The following NF1 variants were observed in gnomAD, a reference collection of about 807,000 sequenced individuals.
NF1 encodes the protein neurofibromin.
NF1 carries 122 observed loss-of-function variants against 325.7 expected under a neutral mutation model. That is an observed-to-expected ratio of 0.37 (90% CI 0.32 to 0.44). NF1 has a LOEUF of 0.44. Among genes scored for constraint, NF1 ranks in the 20% least tolerant of loss-of-function variants. The probability of loss-of-function intolerance (pLI) is 1.00; values close to 1 mark genes in which losing one functional copy is unlikely to be tolerated. For missense variants in NF1, 2,140 were observed against 3,415.4 expected (o/e 0.63, Z 9.31); for synonymous variants, 1,091 against 1,186.0 (o/e 0.92, Z 1.65).
chr17:31,256,334 T>C (rs1443732440), intron 31 of NF1, among the ~76,000 whole-genome samples: 1 of 152,190 alleles, frequency 6.6e-6, no homozygotes, highest in Non-Finnish European at 1.5e-5. Flanking sequence ...AGATGGGGTT[T>C]TGCCATGTTG....
At chr17:31,112,619 T>TA (rs1204886040) in intron 1 of NF1, among the ~76,000 whole-genome samples, 1 of 152,164 alleles carries the variant, frequency 6.6e-6, no homozygotes, top group East Asian at 1.9e-4. Flanking sequence ...TGCCCATTTT[T>TA]AAAAAATTGG....
In NF1 at chr17:31,336,853, A is replaced by C; in HGVS notation, c.6366A>C (p.Thr2122=). 6.2e-7 allele frequency: 1 copy of C among 1,613,800 alleles called. No individual in the cohort carries two copies. The highest frequency in any genetic ancestry group is 8.5e-7 in the Non-Finnish European group (1 of 1,180,008). ...GTCCGCTCTCCCTTAGAGCTTCCAC[A>C]CATGGACTGGTCATTAATATCATTC... The part of the protein sequence containing the change: ...ATGPLSLRAS[T]HGLVINIIHS... Residue 2122 remains threonine (T), a synonymous_variant, in exon 42 of 58, where the codon ACA becomes ACC. Transcript: ENST00000358273. The surrounding 1 kb of genome is among the most constrained non-coding windows in gnomAD (Gnocchi z 5.5).
chr17:31,292,952 C>T (rs774263876), intron 36 of NF1, among the ~76,000 whole-genome samples: 5 of 151,910 alleles, frequency 3.3e-5, no homozygotes, highest in South Asian at 2.1e-4. Flanking sequence ...CCAAAGCAGG[C>T]GAATCACCTG....
intron 1 of NF1, among the ~76,000 whole-genome samples, chr17:31,129,267 A>G (rs1915147039): frequency 6.6e-6 from 1 of 152,022 alleles, no homozygotes; most frequent in Non-Finnish European, 1.5e-5. Context: ...TTTCAGGGAT[A>G]CCAGTGAATC....
At chr17:31,346,683 C>T (rs934369771) in intron 48 of NF1, among the ~76,000 whole-genome samples, 1 of 152,166 alleles carries the variant, frequency 6.6e-6, no homozygotes, top group Non-Finnish European at 1.5e-5. Context: ...AAGCTACTTA[C>T]TCATAGTGGT....
At chr17:31,320,525 C>A in intron 36 of NF1, 2 of 1,117,530 alleles carry the variant, frequency 1.8e-6, no homozygotes, top group South Asian at 1.4e-5. Flanking sequence ...TATTAAAATA[C>A]AGAAATTGAA....
chr17:31,270,393 G>A (rs1286784587), intron 36 of NF1, among the ~76,000 whole-genome samples: 1 of 152,182 alleles, frequency 6.6e-6, no homozygotes, highest in East Asian at 1.9e-4. Flanking sequence ...GAAATCACTT[G>A]GGCTCAGGAG....
At chr17:31,106,079 ATAG>A (rs1912837129) in intron 1 of NF1, among the ~76,000 whole-genome samples, 1 of 152,184 alleles carries the variant, frequency 6.6e-6, no homozygotes, top group East Asian at 1.9e-4. Context: ...GGTAGTTCTC[ATAG>A]TAGTTTGGGC....
chr17:31,200,982 A>T (rs2066517482), intron 9 of NF1, 55 bp from the exon 10 acceptor site: 1 of 1,608,874 alleles, frequency 6.2e-7, no homozygotes, highest in Admixed American at 1.7e-5. Flanking sequence ...CATGTTAGTA[A>T]AGAAATACTG....
At chr17:31,151,032 C>T (rs113988651) in intron 1 of NF1, among the ~76,000 whole-genome samples, 1 of 90,986 alleles carries the variant, frequency 1.1e-5, no homozygotes, top group Non-Finnish European at 3.0e-5. Context: ...AAGGCTCTGT[C>T]TCAAAAAAAA....
intron 3 of NF1, among the ~76,000 whole-genome samples, chr17:31,160,179 G>A (rs746940686): frequency 1.3e-5 from 2 of 152,120 alleles, no homozygotes; most frequent in Admixed American, 6.5e-5. Context: ...TCCACTTCCC[G>A]GGTTCAAGCT....
chr17:31,340,400 G>A (rs756307721), intron 46 of NF1, 105 bp from the exon 47 acceptor site: 202 of 1,413,924 alleles, frequency 1.4e-4, no homozygotes, highest in Non-Finnish European at 2.0e-4. Flanking sequence ...GAGAAAACAT[G>A]GGTAATTTAG....
intron 54 of NF1, 81 bp downstream of exon 54, chr17:31,357,450 C>A (rs972009377): frequency 6.1e-5 from 64 of 1,051,872 alleles, no homozygotes; most frequent in Non-Finnish European, 9.5e-5. Flanking sequence ...GCACTGGTTG[C>A]AAAGAGGGCA....
chr17:31,363,895 C>T (rs1001374573), intron 57 of NF1, among the ~76,000 whole-genome samples: 1 of 151,978 alleles, frequency 6.6e-6, no homozygotes, highest in African/African-American at 2.4e-5. Flanking sequence ...TGCACACCAC[C>T]ACGCCTGGCT....
At chr17:31,196,182 C>T (rs2066430396) in intron 8 of NF1, among the ~76,000 whole-genome samples, 1 of 151,424 alleles carries the variant, frequency 6.6e-6, no homozygotes, top group South Asian at 2.1e-4. Context: ...TAACTGTTTA[C>T]TCATTTCTCT....
At chr17:31,286,433 TC>T (rs2068229234) in intron 36 of NF1, among the ~76,000 whole-genome samples, 1 of 152,182 alleles carries the variant, frequency 6.6e-6, no homozygotes, top group African/African-American at 2.4e-5. Flanking sequence ...ACAAGGTGTC[TC>T]TAAGCTCATA....
intron 5 of NF1, among the ~76,000 whole-genome samples, chr17:31,175,690 C>T (rs1041802035): frequency 1.4e-4 from 21 of 152,182 alleles, no homozygotes; most frequent in Admixed American, 6.5e-4. Flanking sequence ...CCCCACCCCC[C>T]GACAGGCACC....
chr17:31,124,238 T>G (rs535914124), intron 1 of NF1, among the ~76,000 whole-genome samples: 1 of 151,832 alleles, frequency 6.6e-6, no homozygotes, highest in Admixed American at 6.6e-5. Context: ...TATTTTTAAT[T>G]TTTTTTTGCA....
Position 31,336,560 on chromosome 17 carries a change from A to C in NF1, c.6148-75A>C. ...TTGTTTTGTAATTACTTTTAAATTA[A>C]ACTGAACTTTTTTGTGCTAAAACTT... On this transcript the variant is annotated intron_variant, in intron 41 of 57. Coordinates refer to ENST00000358273, the MANE Select transcript of NF1 (RefSeq NM_001042492.3). The surrounding 1 kb of genome is among the most constrained non-coding windows in gnomAD (Gnocchi z 5.5). 3 of 1,591,472 alleles carry C rather than the reference A, an allele frequency of 1.9e-6. No individual in the cohort carries two copies. The highest frequency in any genetic ancestry group is 1.7e-6 in the Non-Finnish European group (2 of 1,167,564).
Sources: gnomAD v4.1 joint callset for allele counts (sites outside exome capture counted in the v4.1 genomes callset) on GRCh38, gnomAD v4.1.1 for gene constraint, Gnocchi (gnomAD v3.1) non-coding constraint, MANE v1.5 for transcripts, NCBI Gene and HGNC (gene_info 2026-07-23, HGNC 2026-07-21) for gene names.